The following C1orf167 variants were observed in gnomAD, a reference collection of about 807,000 sequenced individuals.
C1orf167 encodes chromosome 1 open reading frame 167, also known as uncharacterized protein C1orf167.
In C1orf167, 153 loss-of-function variants were observed where a neutral mutation model predicts 176.5. The observed-to-expected ratio is 0.87, with a 90% CI of 0.76 to 0.99. C1orf167 has a LOEUF of 0.99. C1orf167 is among the 50% of genes least tolerant of loss of function. C1orf167 has a pLI of 0.00. For missense variants in C1orf167, 1,490 were observed against 1,817.7 expected, an observed-to-expected ratio of 0.82 and a Z score of 3.28; for synonymous variants, 594 against 752.7, an observed-to-expected ratio of 0.79 and a Z score of 3.45.
chr1:11,762,335 T>C (rs990377563), intron 1 of C1orf167, 30 bp downstream of exon 1: 4 of 362,698 alleles, frequency 1.1e-5, no homozygotes, highest in African/African-American at 8.7e-5. Context: ...GGCAGGAAAC[T>C]GACCTCAGAC....
chr1:11,774,614 A>C (rs980186086), intron 8 of C1orf167, among the ~76,000 whole-genome samples: 4 of 152,072 alleles, frequency 2.6e-5, no homozygotes, highest in African/African-American at 4.8e-5. Flanking sequence ...GGAGTGTAAG[A>C]TCCTGAGGCG....
rs1215424981 is a variant in C1orf167, at chr1:11,788,976, T to C, written c.4173+230T>C. 1.5e-5 allele frequency: 6 copies of C among 387,740 alleles called. No homozygotes were observed. The East Asian group carries it at 4.4e-4, about 29-fold the overall frequency. The allele number at this position is 387,740 out of a possible 1,614,324, so 24.0% of individuals were successfully genotyped here. ...GGCCAGGCCCACCCGGTCCATCAGT[T>C]TGCGAAGAAGGTGTGGCATGAGGCA... On this transcript the variant is annotated intron_variant, in intron 20 of 20. Transcript: ENST00000688073.
In C1orf167 at chr1:11,766,225, A is replaced by G. The variant is rs534416055; in HGVS notation, c.439A>G (p.Lys147Glu). ...PEPGGSSGPH[K>E]LPWGPLLSQE... Reference sequence around the variant, plus strand: ...GCCTGGGGGAAGCTCTGGGCCCCACAAGCTTCCCTGGGGTCCTCTCCTATC... The same window carrying G: ...GCCTGGGGGAAGCTCTGGGCCCCACGAGCTTCCCTGGGGTCCTCTCCTATC... The change falls in exon 3 of 21, where the codon AAG becomes GAG. Residue 147 changes from lysine (K) to glutamate (E), a missense_variant. Coordinates refer to ENST00000688073, the MANE Select transcript of C1orf167 (RefSeq NM_001010881.2). This position sits in a 1 kb window ranked among gnomAD's most constrained non-coding sequence, Gnocchi z 4.5. The G allele has an allele frequency of 1.1e-4, 145 of 1,289,596 alleles. No homozygotes were observed. In the African/African-American group the frequency reaches 1.9e-3, roughly 17 times the overall value. The allele number at this position is 1,289,596 out of a possible 1,614,324, so 79.9% of individuals were successfully genotyped here.
Position 11,766,504 on chromosome 1 carries a change from C to G in C1orf167, c.718C>G (p.Leu240Val). 2.3e-6 allele frequency: 3 copies of G among 1,278,248 alleles called. No individual in the cohort carries two copies. The highest frequency in any genetic ancestry group is 3.1e-6 in the Non-Finnish European group (3 of 983,028). 79.2% of individuals were successfully genotyped at this position (1,278,248 alleles called of 1,614,324 possible). The change falls in exon 3 of 21, where the codon CTG (leucine) becomes GTG (valine). Residue 240 changes from leucine (L) to valine (V), a missense_variant. By Grantham distance (32) the Leu-to-Val change is conservative. Transcript: ENST00000688073. This position sits in a 1 kb window ranked among gnomAD's most constrained non-coding sequence, Gnocchi z 4.5. ...CCCATCCCGTGCTGCCGTCCACCAGCTGCTGGCTTCTGTACATTGCCTGGC... is the reference window on the plus strand; with the variant it reads ...CCCATCCCGTGCTGCCGTCCACCAGGTGCTGGCTTCTGTACATTGCCTGGC... ...QAPSRAAVHQ[L>V]LASVHCLAQE...
chr1:11,778,582 G>GCCGCTGC (rs1384356248), intron 10 of C1orf167, 78 bp from the exon 11 acceptor site: 1 of 1,183,590 alleles, frequency 8.4e-7, no homozygotes, highest in African/African-American at 1.6e-5. Context: ...AGCGGCCAGG[G>GCCGCTGC]TAGGGTAGCC....
At chr1:11,762,362 G>A in intron 1 of C1orf167, 57 bp downstream of exon 1, 2 of 357,950 alleles carry the variant, frequency 5.6e-6, no homozygotes, top group South Asian at 4.1e-5. Flanking sequence ...GGTGGCAAGA[G>A]GAGGGAGGCT....
At chr1:11,777,912 C>G (rs1425985058) in intron 10 of C1orf167, 2 of 152,242 alleles carry the variant, frequency 1.3e-5, no homozygotes, top group Non-Finnish European at 2.9e-5. Flanking sequence ...AGATGAGTCC[C>G]AGGTCTGCTG....
chr1:11,769,019 A>C lies in C1orf167; in HGVS notation c.1589A>C (p.Gln530Pro). ...CAGAAACAAGTACAGCCCCACATGC[A>C]GGCTGGGCCAGGGTCCCCGCCCTCC... The part of the protein sequence containing the change: ...LQQKQVQPHM[Q>P]AGPGSPPSRR... Residue 530 changes from glutamine to proline, a missense_variant, in exon 6 of 21, where the codon CAG (glutamine) becomes CCG (proline). Transcript: ENST00000688073. 1 of 985,918 alleles carries C rather than the reference A, an allele frequency of 1.0e-6. No homozygotes were observed. The highest frequency in any genetic ancestry group is 1.2e-6 in the Non-Finnish European group (1 of 829,982). 61.1% of individuals were successfully genotyped at this position (985,918 alleles called of 1,614,324 possible). A position where few individuals can be genotyped will look rare whatever the true frequency, so the allele number is the denominator to read the frequency against.
In C1orf167 at chr1:11,764,392, C is replaced by T. The variant is rs1642685868; in HGVS notation, c.-9C>T. On this transcript the variant is annotated 5_prime_UTR_variant, in exon 2 of 21. Coordinates refer to ENST00000688073, the MANE Select transcript of C1orf167 (RefSeq NM_001010881.2). ...GGAGTGGACCAAGGATACTCCTGTC[C>T]CTGAGCCCATGGAGCTAAGGTCTGA... is the stretch of plus-strand genomic sequence containing the variant. 7.8e-7 allele frequency: 1 copy of T among 1,289,226 alleles called. No individual in the cohort carries two copies. Among genetic ancestry groups the T allele is most frequent in the Non-Finnish European group, 1.0e-6 (1 of 988,810 alleles). The allele number at this position is 1,289,226 out of a possible 1,614,324, so 79.9% of individuals were successfully genotyped here. A position where few individuals can be genotyped will look rare whatever the true frequency, so the allele number is the denominator to read the frequency against.
chr1:11,775,996 G>T (rs766425409), intron 9 of C1orf167, among the ~76,000 whole-genome samples: 1 of 152,152 alleles, frequency 6.6e-6, no homozygotes, highest in Non-Finnish European at 1.5e-5. Context: ...AGTGGCTCAC[G>T]CCTGTAATCC....
chr1:11,762,808 GAAAC>G (rs954454844), intron 1 of C1orf167, among the ~76,000 whole-genome samples: 3 of 152,320 alleles, frequency 2.0e-5, no homozygotes, highest in South Asian at 2.1e-4. Flanking sequence ...ATCCAGCAGG[GAAAC>G]AAACAAACAA....
intron 4 of C1orf167, among the ~76,000 whole-genome samples, chr1:11,767,716 C>T (rs1026543671): frequency 5.9e-5 from 9 of 152,136 alleles, no homozygotes; most frequent in African/African-American, 1.7e-4. Flanking sequence ...GTCTCAGCTA[C>T]GCAGGAGGCT....
Position 11,775,442 on chromosome 1 carries a change from G to A in C1orf167, c.1996G>A (p.Gly666Arg), listed in dbSNP as rs149098511. 385 of 1,298,758 alleles carry A rather than the reference G, an allele frequency of 3.0e-4. 2 individuals carry two copies. The Middle Eastern group carries it at 4.5e-3, about 15-fold the overall frequency. 80.5% of individuals were successfully genotyped at this position (1,298,758 alleles called of 1,614,324 possible). A position where few individuals can be genotyped will look rare whatever the true frequency, so the allele number is the denominator to read the frequency against. The change falls in exon 9 of 21, where the codon GGG becomes AGG. Residue 666 changes from glycine (G) to arginine (R), a missense_variant. Transcript: ENST00000688073. ...HQRAWLCRCFGAWQQFVQRGS... is the reference protein window; with the variant it reads ...HQRAWLCRCFRAWQQFVQRGS... ...TTCCCTCTGTTCTCCCAGGTGCTTC[G>A]GGGCGTGGCAGCAGTTCGTGCAAAG...
chr1:11,781,732 A>G (rs1399254303), intron 13 of C1orf167, among the ~76,000 whole-genome samples: 1 of 152,070 alleles, frequency 6.6e-6, no homozygotes, highest in Non-Finnish European at 1.5e-5. Flanking sequence ...AACATGGTGA[A>G]ACCCCGTCTC....
intron 10 of C1orf167, 70 bp downstream of exon 10, chr1:11,776,708 C>A: frequency 8.8e-7 from 1 of 1,142,652 alleles, no homozygotes; most frequent in Non-Finnish European, 1.1e-6. Context: ...GAGCAGTGCT[C>A]AGCACCAGGA....
At chr1:11,784,682 G>C (rs1643760763) in intron 15 of C1orf167, 89 bp downstream of exon 15, 2 of 1,170,072 alleles carry the variant, frequency 1.7e-6, no homozygotes, top group South Asian at 3.1e-5. Context: ...CGTAATTCAT[G>C]GCTGGGTGGC....
In C1orf167 at chr1:11,766,036, C is replaced by G. The variant is rs1032351563; in HGVS notation, c.250C>G (p.Leu84Val). Residue 84 changes from leucine (L) to valine (V), a missense_variant, in exon 3 of 21, where the codon CTA (leucine) becomes GTA (valine). Physicochemically the swap from Leu to Val is conservative, Grantham distance 32 (BLOSUM62 1). Coordinates refer to ENST00000688073, the MANE Select transcript of C1orf167 (RefSeq NM_001010881.2). The surrounding 1 kb of genome is among the most constrained non-coding windows in gnomAD (Gnocchi z 4.5). ...NLASPGPRLG[L>V]ALKDTTGQLV... Reference sequence around the variant, plus strand: ...GGCCAGCCCTGGTCCCCGCCTGGGCCTAGCTCTGAAGGACACGACTGGCCA... The same window carrying G: ...GGCCAGCCCTGGTCCCCGCCTGGGCGTAGCTCTGAAGGACACGACTGGCCA... The G allele has an allele frequency of 7.8e-7, 1 of 1,289,744 alleles. No homozygotes were observed. Among genetic ancestry groups the G allele is most frequent in the Non-Finnish European group, 1.0e-6 (1 of 988,876 alleles). 79.9% of individuals were successfully genotyped at this position (1,289,744 alleles called of 1,614,324 possible).
At position 11,778,662 on chromosome 1, in the gene C1orf167, C is replaced by G; in HGVS notation, c.2342C>G (p.Ser781Cys). Residue 781 changes from serine to cysteine, a missense_variant and splice_region_variant, in exon 11 of 21, where the codon TCC becomes TGC. Coordinates refer to ENST00000688073, the MANE Select transcript of C1orf167 (RefSeq NM_001010881.2). ...TCACTCACCTGCCCCTTCTCTAGCT[C>G]CTTCTTCCAGGGCCTGCAGCAGCGG... Reference protein sequence around the residue: ...MRLFQRQWANSFFQGLQQRML... With the variant: ...MRLFQRQWANCFFQGLQQRML... 1 of 1,295,206 alleles carries G rather than the reference C, an allele frequency of 7.7e-7. No homozygotes were observed. The highest frequency in any genetic ancestry group is 1.0e-6 in the Non-Finnish European group (1 of 982,084). 80.2% of individuals were successfully genotyped at this position (1,295,206 alleles called of 1,614,324 possible).
At position 11,766,028 on chromosome 1, in the gene C1orf167, G is replaced by A. The variant is rs114941496; in HGVS notation, c.242G>A (p.Arg81His). 66,250 of 1,289,798 alleles carry A rather than the reference G, an allele frequency of 0.051. 2,272 individuals are homozygous for A. Among genetic ancestry groups the A allele is most frequent in the East Asian group, 0.14 (2,569 of 18,018 alleles). The allele number at this position is 1,289,798 out of a possible 1,614,324, so 79.9% of individuals were successfully genotyped here. A position where few individuals can be genotyped will look rare whatever the true frequency, so the allele number is the denominator to read the frequency against. ...ACCAACCTGGCCAGCCCTGGTCCCC[G>A]CCTGGGCCTAGCTCTGAAGGACACG... The part of the protein sequence containing the change: ...VQTNLASPGP[R>H]LGLALKDTTG... The change falls in exon 3 of 21, where the codon CGC becomes CAC. Residue 81 changes from arginine to histidine, a missense_variant. Physicochemically the swap from Arg to His is conservative, Grantham distance 29 (BLOSUM62 0). Coordinates refer to ENST00000688073, the MANE Select transcript of C1orf167 (RefSeq NM_001010881.2). This position sits in a 1 kb window ranked among gnomAD's most constrained non-coding sequence, Gnocchi z 4.5.
Sources: allele counts gnomAD v4.1 joint callset (sites outside exome capture counted in the v4.1 genomes callset), GRCh38; gene constraint gnomAD v4.1.1; non-coding constraint Gnocchi (gnomAD v3.1); transcripts MANE v1.5; gene names NCBI Gene and HGNC (gene_info 2026-07-23, HGNC 2026-07-21).